HMG20A: variants seen among roughly 807,000 people sequenced by gnomAD.
HMG20A encodes high mobility group protein 20A.
A neutral mutation model predicts 43.9 loss-of-function variants in HMG20A; 17 were observed. The ratio of observed to expected loss-of-function variants is 0.39; its 90% confidence interval spans 0.27 to 0.58. The LOEUF is 0.58. Ranked by LOEUF, HMG20A falls within the 20% of genes least tolerant of loss-of-function variation. The probability of loss-of-function intolerance (pLI) is 0.59; values close to 1 mark genes in which losing one functional copy is unlikely to be tolerated. For missense variants in HMG20A, 341 were observed against 438.2 expected, an observed-to-expected ratio of 0.78 and a Z score of 1.98; for synonymous variants, 132 against 147.5, an observed-to-expected ratio of 0.89 and a Z score of 0.76.
chr15:77,481,314 C>T (rs1262235646), intron 9 of HMG20A, among the ~76,000 whole-genome samples: 1 of 152,222 alleles, frequency 6.6e-6, no homozygotes, highest in Admixed American at 6.5e-5. Context: ...AGTGGCATTA[C>T]TGCTGCTGCT....
At chr15:77,423,164 T>C (rs542506634) in intron 1 of HMG20A, among the ~76,000 whole-genome samples, 1 of 152,278 alleles carries the variant, frequency 6.6e-6, no homozygotes. Context: ...CTGAAAGACT[T>C]GAGCAGCTTG....
At chr15:77,479,398 C>A (rs964274948) in intron 9 of HMG20A, 77 bp downstream of exon 9, 2 of 1,377,826 alleles carry the variant, frequency 1.5e-6, no homozygotes, top group African/African-American at 1.4e-5. Context: ...ATCAATACTA[C>A]TAAAACCCTG....
intron 1 of HMG20A, among the ~76,000 whole-genome samples, chr15:77,440,473 G>T (rs945819208): frequency 6.6e-6 from 1 of 152,176 alleles, no homozygotes; most frequent in East Asian, 1.9e-4. Context: ...GAAGGTGTCA[G>T]TTAGGATAGG....
At chr15:77,438,273 C>A (rs529466609) in intron 1 of HMG20A, among the ~76,000 whole-genome samples, 109 of 151,620 alleles carry the variant, frequency 7.2e-4, no homozygotes, top group African/African-American at 2.5e-3. Context: ...GCGACTGGAC[C>A]CAGCCAAACT....
At chr15:77,508,876 C>T in the HMG20A span, among the ~76,000 whole-genome samples, 1 of 152,238 alleles carries the variant, frequency 6.6e-6, no homozygotes, top group Non-Finnish European at 1.5e-5. Context: ...GTGGGGGATA[C>T]TTGATCCTTT....
In HMG20A at chr15:77,461,019, A is replaced by G. The variant is rs78414108; in HGVS notation, c.89+2523A>G. Among the ~76,000 whole-genome samples, 1,300 of 152,218 alleles carry G rather than the reference A, an allele frequency of 8.5e-3. 20 individuals are homozygous for G. The highest frequency in any genetic ancestry group is 0.03 in the African/African-American group (1,241 of 41,524). On this transcript the variant is annotated intron_variant, in intron 2 of 9. Coordinates refer to ENST00000336216, the MANE Select transcript of HMG20A (RefSeq NM_001304504.2). Reference sequence around the variant, plus strand: ...AAAAGAAAAAAAAGTCAGAAAGAATAGGAAGAATCAACAGAGTCTAAAGTG... The same window carrying G: ...AAAAGAAAAAAAAGTCAGAAAGAATGGGAAGAATCAACAGAGTCTAAAGTG...
At chr15:77,506,303 C>A in the HMG20A span, among the ~76,000 whole-genome samples, 7 of 152,196 alleles carry the variant, frequency 4.6e-5, no homozygotes, top group Admixed American at 3.9e-4. Flanking sequence ...GGTCACGGGG[C>A]CTCGCATTAG....
intron 1 of HMG20A, among the ~76,000 whole-genome samples, chr15:77,427,770 G>C (rs2073441583): frequency 6.6e-6 from 1 of 152,138 alleles, no homozygotes. Context: ...TTCAGATTCA[G>C]ACCACACTGA....
chr15:77,440,948 G>A (rs1197988731), intron 1 of HMG20A, among the ~76,000 whole-genome samples: 2 of 152,130 alleles, frequency 1.3e-5, no homozygotes, highest in Admixed American at 6.5e-5. Context: ...CGGCAGATGT[G>A]TGGATTAAGT....
intron 1 of HMG20A, among the ~76,000 whole-genome samples, chr15:77,437,294 T>C (rs150881500): frequency 0.01 from 1,563 of 152,344 alleles, 27 homozygotes; most frequent in African/African-American, 0.036. Context: ...ATTGTATTGC[T>C]GGTATCTTAA....
intron 1 of HMG20A, among the ~76,000 whole-genome samples, chr15:77,427,621 G>T (rs535454351): frequency 1.3e-5 from 2 of 152,218 alleles, no homozygotes; most frequent in African/African-American, 4.8e-5. Flanking sequence ...AGGAATTCAG[G>T]ACCCTTATAC....
At chr15:77,452,402 T>C (rs1193440560) in intron 1 of HMG20A, among the ~76,000 whole-genome samples, 1 of 152,140 alleles carries the variant, frequency 6.6e-6, no homozygotes, top group African/African-American at 2.4e-5. Flanking sequence ...GCTCTGGTAG[T>C]ACATAAAAGG....
At chr15:77,465,476 A>G (rs977518465) in intron 3 of HMG20A, among the ~76,000 whole-genome samples, 2 of 149,352 alleles carry the variant, frequency 1.3e-5, no homozygotes, top group African/African-American at 2.5e-5. Context: ...GCTCACTGCA[A>G]CCTCTGCCTC....
chr15:77,488,424 G>T (rs954131397), downstream of HMG20A, among the ~76,000 whole-genome samples: 14 of 152,188 alleles, frequency 9.2e-5, no homozygotes, highest in Non-Finnish European at 1.8e-4. Flanking sequence ...AGGGCAGCTT[G>T]TATTAATAGT....
the HMG20A span, among the ~76,000 whole-genome samples, chr15:77,513,731 C>T: frequency 7.4e-6 from 1 of 134,466 alleles, no homozygotes; most frequent in Non-Finnish European, 1.7e-5. Context: ...TTCACTACCT[C>T]CTTTTTTTTT....
At chr15:77,461,391 A>G (rs1013065812) in intron 2 of HMG20A, among the ~76,000 whole-genome samples, 4 of 152,138 alleles carry the variant, frequency 2.6e-5, no homozygotes, top group Non-Finnish European at 5.9e-5. Flanking sequence ...GTTTTGTGTT[A>G]AGAGAATTAA....
At chr15:77,477,674 G>T (rs370587019) in intron 7 of HMG20A, 44 bp downstream of exon 7, 3 of 1,323,020 alleles carry the variant, frequency 2.3e-6, no homozygotes, top group Non-Finnish European at 3.3e-6. Context: ...ATTTTTGACA[G>T]GGGACTTAGT....
At chr15:77,438,331 A>G (rs1278207280) in intron 1 of HMG20A, among the ~76,000 whole-genome samples, 1 of 151,974 alleles carries the variant, frequency 6.6e-6, no homozygotes, top group Non-Finnish European at 1.5e-5. Context: ...AAGTTAGTCT[A>G]ATCGCATTTG....
intron 1 of HMG20A, among the ~76,000 whole-genome samples, chr15:77,439,933 A>G (rs1300726115): frequency 6.6e-6 from 1 of 152,052 alleles, no homozygotes; most frequent in African/African-American, 2.4e-5. Context: ...GTGGGTATAT[A>G]ATACTGTCTC....
Sources: allele counts gnomAD v4.1 joint callset (sites outside exome capture counted in the v4.1 genomes callset), GRCh38; gene constraint gnomAD v4.1.1; transcripts MANE v1.5; gene names NCBI Gene and HGNC (gene_info 2026-07-23, HGNC 2026-07-21).